The following GABRG3 variants were observed in gnomAD, a reference collection of about 807,000 sequenced individuals.
GABRG3 encodes gamma-aminobutyric acid type A receptor subunit gamma3.
Under a neutral mutation model 48.8 loss-of-function variants are expected in GABRG3, and 25 were observed. The observed-to-expected ratio is 0.51, with a 90% CI of 0.37 to 0.72. The LOEUF is 0.72. Among genes scored for constraint, GABRG3 ranks in the 30% least tolerant of loss-of-function variants. GABRG3 has a pLI of 0.00. For missense variants in GABRG3, 394 were observed against 577.9 expected (o/e 0.68, Z 3.26); for synonymous variants, 227 against 217.6 (o/e 1.04, Z -0.38).
chr15:27,528,712 T>C (rs1450492443), intron 9 of GABRG3, among the ~76,000 whole-genome samples: 1 of 152,222 alleles, frequency 6.6e-6, no homozygotes, highest in Non-Finnish European at 1.5e-5. Context: ...TTGACAATAT[T>C]GTCACTCGTT....
At chr15:27,339,101 G>T (rs79290645) in intron 5 of GABRG3, among the ~76,000 whole-genome samples, 1 of 152,062 alleles carries the variant, frequency 6.6e-6, no homozygotes, top group African/African-American at 2.4e-5. Flanking sequence ...CAACTAGGAG[G>T]GTCCTGTCTC....
intron 3 of GABRG3, among the ~76,000 whole-genome samples, chr15:27,256,753 C>T (rs1308333556): frequency 6.6e-6 from 1 of 152,150 alleles, no homozygotes; most frequent in Non-Finnish European, 1.5e-5. Flanking sequence ...CTATCCTATG[C>T]ACAGGAATGG....
Position 27,432,948 on chromosome 15 carries a change from CCA to C in GABRG3, c.575-47701_575-47700del, listed in dbSNP as rs577083549. Among the ~76,000 whole-genome samples, 18 of 152,330 alleles carry C rather than the reference CCA, an allele frequency of 1.2e-4. No homozygotes were observed. The East Asian group carries it at 1.9e-3, about 16-fold the overall frequency. ...ACTGTACAGCAAGAAGTCTTTTCCC[CCA>C]GTTTCCAAGAACATGTTCTTCATCT... On this transcript the variant is annotated intron_variant, in intron 5 of 9. Transcript: ENST00000615808.
chr15:27,094,547 G>A (rs1897242084), intron 3 of GABRG3, among the ~76,000 whole-genome samples: 2 of 152,172 alleles, frequency 1.3e-5, no homozygotes, highest in African/African-American at 4.8e-5. Flanking sequence ...TGGGCCTGAG[G>A]AGGCACAGAT....
At chr15:27,382,560 A>G (rs1228437936) in intron 5 of GABRG3, among the ~76,000 whole-genome samples, 1 of 152,252 alleles carries the variant, frequency 6.6e-6, no homozygotes, top group Non-Finnish European at 1.5e-5. Flanking sequence ...CAAAAGAGGC[A>G]TGACTTGATT....
At chr15:27,026,319 G>A (rs145760757) in intron 2 of GABRG3, among the ~76,000 whole-genome samples, 195 of 152,282 alleles carry the variant, frequency 1.3e-3, no homozygotes, top group African/African-American at 4.4e-3. Flanking sequence ...GCTATGTGGT[G>A]GACACATAAC....
intron 2 of GABRG3, among the ~76,000 whole-genome samples, chr15:27,019,798 A>C (rs1895854755): frequency 6.6e-6 from 1 of 152,138 alleles, no homozygotes; most frequent in Non-Finnish European, 1.5e-5. Context: ...AGAGCCTCTT[A>C]TGCGTTGGGG....
Position 27,291,143 on chromosome 15 carries a change from T to C in GABRG3, c.271-35666T>C, listed in dbSNP as rs1595643636. On this transcript the variant is annotated intron_variant, in intron 3 of 9. Transcript: ENST00000615808. ...ACGATCATATTCACAGATAATTTTA[T>C]ACAAGGAGTGTGTGTGAATTCTTTG... Among the ~76,000 whole-genome samples the C allele has an allele frequency of 2.0e-5, 3 of 152,336 alleles. No homozygotes were observed. The South Asian group carries it at 6.2e-4, about 32-fold the overall frequency.
At chr15:26,977,829 A>G (rs1348257183) in intron 2 of GABRG3, among the ~76,000 whole-genome samples, 1 of 152,144 alleles carries the variant, frequency 6.6e-6, no homozygotes, top group Non-Finnish European at 1.5e-5. Flanking sequence ...TATTTTTGGG[A>G]TAAATACCCA....
At chr15:27,062,983 C>A (rs796433873) in intron 3 of GABRG3, among the ~76,000 whole-genome samples, 108 of 152,266 alleles carry the variant, frequency 7.1e-4, no homozygotes, top group African/African-American at 2.5e-3. Flanking sequence ...AAAAGAAATT[C>A]ATGTATCATG....
At position 27,461,237 on chromosome 15, in the gene GABRG3, G is replaced by T. The variant is rs1193988292; in HGVS notation, c.575-19413G>T. Among the ~76,000 whole-genome samples the T allele has an allele frequency of 2.0e-5, 3 of 152,112 alleles. No homozygotes were observed. In the South Asian group the frequency reaches 6.2e-4, roughly 32 times the overall value. ...CAGAATTCCTGCCTTCATTCAAGCT[G>T]TCAAAAATAGCACAGCAACCCACAT... is the stretch of plus-strand genomic sequence containing the variant. On this transcript the variant is annotated intron_variant, in intron 5 of 9. Transcript: ENST00000615808.
chr15:27,483,685 A>G (rs1290710517), intron 6 of GABRG3, among the ~76,000 whole-genome samples: 1 of 152,166 alleles, frequency 6.6e-6, no homozygotes, highest in Non-Finnish European at 1.5e-5. Flanking sequence ...TGAAGTTTGG[A>G]AGGCATTGGG....
intron 3 of GABRG3, among the ~76,000 whole-genome samples, chr15:27,097,940 CTTTT>C (rs11305962): frequency 7.1e-5 from 10 of 141,802 alleles, no homozygotes; most frequent in African/African-American, 2.3e-4. Flanking sequence ...ATCTATTATT[CTTTT>C]TTTTTTTAAA....
chr15:27,325,109 C>T (rs563614858), intron 3 of GABRG3, among the ~76,000 whole-genome samples: 15 of 132,410 alleles, frequency 1.1e-4, no homozygotes, highest in Non-Finnish European at 1.7e-4. Flanking sequence ...TACCTGCTTT[C>T]GTTTCATTTC....
rs1595647252 is a variant in GABRG3 at position 27,294,954 on chromosome 15, A to G, written c.271-31855A>G. On this transcript the variant is annotated intron_variant, in intron 3 of 9. Transcript: ENST00000615808. ...CAGCGCGCCCTCGTCAGAACCCAGAATGGTCAGAATAGCTGGCCAAAGAGG... is the reference window on the plus strand; with the variant it reads ...CAGCGCGCCCTCGTCAGAACCCAGAGTGGTCAGAATAGCTGGCCAAAGAGG... 3 of 152,342 alleles carry G rather than the reference A, an allele frequency of 2.0e-5. No individual in the cohort carries two copies. In the East Asian group the frequency reaches 5.8e-4, roughly 29 times the overall value. 9.4% of individuals were successfully genotyped at this position (152,342 alleles called of 1,614,324 possible). A position where few individuals can be genotyped will look rare whatever the true frequency, so the allele number is the denominator to read the frequency against.
chr15:27,108,398 C>T (rs1340136348), intron 3 of GABRG3, among the ~76,000 whole-genome samples: 2 of 152,124 alleles, frequency 1.3e-5, no homozygotes, highest in African/African-American at 4.8e-5. Context: ...CCATCATGGA[C>T]TGAGAATAGA....
intron 3 of GABRG3, among the ~76,000 whole-genome samples, chr15:27,292,517 A>G (rs1220820304): frequency 6.6e-6 from 1 of 152,154 alleles, no homozygotes; most frequent in African/African-American, 2.4e-5. Flanking sequence ...GAAATTTTCT[A>G]TTTTAATTAT....
At chr15:27,190,677 G>C (rs1286397610) in intron 3 of GABRG3, among the ~76,000 whole-genome samples, 2 of 151,986 alleles carry the variant, frequency 1.3e-5, no homozygotes, top group Non-Finnish European at 2.9e-5. Flanking sequence ...CAAAAAACCA[G>C]CTCCCGGATT....
intron 3 of GABRG3, among the ~76,000 whole-genome samples, chr15:27,218,631 T>C (rs2140439272): frequency 6.6e-6 from 1 of 152,298 alleles, no homozygotes; most frequent in South Asian, 2.1e-4. Flanking sequence ...GCTGGATGCC[T>C]CCTGTCCCTG....
Sources: gnomAD v4.1 joint callset for allele counts (sites outside exome capture counted in the v4.1 genomes callset) on GRCh38, gnomAD v4.1.1 for gene constraint, MANE v1.5 for transcripts, NCBI Gene and HGNC (gene_info 2026-07-23, HGNC 2026-07-21) for gene names.